POLR1A: variants seen among roughly 807,000 people sequenced by gnomAD.
POLR1A encodes DNA-directed RNA polymerase I subunit RPA1.
POLR1A carries 84 observed loss-of-function variants against 205.3 expected under a neutral mutation model. The ratio of observed to expected loss-of-function variants is 0.41; its 90% confidence interval spans 0.34 to 0.49. The LOEUF (loss-of-function observed/expected upper bound fraction) is 0.49, where lower values mean the gene tolerates loss of function less well. Ranked by LOEUF, POLR1A falls within the 20% of genes least tolerant of loss-of-function variation. POLR1A has a pLI of 0.22. For synonymous variants in POLR1A, 799 were observed against 863.7 expected (o/e 0.93, Z 1.31); for missense variants, 1,645 against 2,204.5 (o/e 0.75, Z 5.08).
intron 25 of POLR1A, among the ~76,000 whole-genome samples, chr2:86,039,812 A>C (rs1672565831): frequency 6.6e-6 from 1 of 152,258 alleles, no homozygotes; most frequent in East Asian, 1.9e-4. Context: ...TGCTGAGCTC[A>C]GCCAGCCCTC....
intron 6 of POLR1A, among the ~76,000 whole-genome samples, chr2:86,084,424 A>T (rs1401094916): frequency 6.6e-6 from 1 of 151,788 alleles, no homozygotes; most frequent in Non-Finnish European, 1.5e-5. Flanking sequence ...CTCAAAAAAA[A>T]AAACACAAAA....
At chr2:86,081,561 G>C (rs896011605) in intron 8 of POLR1A, 40 bp downstream of exon 8, 1 of 1,298,574 alleles carries the variant, frequency 7.7e-7, no homozygotes, top group Non-Finnish European at 1.1e-6. Context: ...TCCTTAGTAC[G>C]CTTTTTTTCA....
chr2:86,080,674 G>A lies in POLR1A; in HGVS notation c.1086+142C>T, dbSNP rs1573827851. ...CCTAATGTTCCTAGGTGCCCCCTAA[G>A]CCCAGAGCTCACACTAAGGCTGCTG... On this transcript the variant is annotated intron_variant, in intron 9 of 33. Coordinates refer to ENST00000263857, the MANE Select transcript of POLR1A (RefSeq NM_015425.6). 5.5e-6 allele frequency: 4 copies of A among 721,458 alleles called. No individual in the cohort carries two copies. In the Admixed American group the frequency reaches 9.7e-5, roughly 18 times the overall value. The allele number at this position is 721,458 out of a possible 1,614,324, so 44.7% of individuals were successfully genotyped here.
chr2:86,078,410 C>A (rs1673336236), intron 9 of POLR1A, 126 bp from the exon 10 acceptor site: 1 of 663,592 alleles, frequency 1.5e-6, no homozygotes. Flanking sequence ...TCCTCTGAAC[C>A]TGACAGATCA....
chr2:86,070,152 G>A lies in POLR1A; in HGVS notation c.1732C>T (p.His578Tyr), dbSNP rs1369751465. 1 of 1,614,220 alleles carries A rather than the reference G, an allele frequency of 6.2e-7. No homozygotes were observed. The highest frequency in any genetic ancestry group is 1.7e-5 in the Admixed American group (1 of 60,026). The stretch of plus-strand genomic sequence containing the variant: ...TTATAGGCCTTGCAGTTGGCATAGT[G>A]GAGCCGCAGCACTTTCTCTTCAGGC... ...ILPEEKVLRL[H>Y]YANCKAYNAD... Residue 578 changes from histidine (H) to tyrosine (Y), a missense_variant, in exon 13 of 34, where the codon CAC (histidine) becomes TAC (tyrosine). This residue lies in a region of POLR1A where 17 missense variants were observed against 29.4 expected (regional missense o/e 0.58). Transcript: ENST00000263857. This position sits in a 1 kb window ranked among gnomAD's most constrained non-coding sequence, Gnocchi z 4.4.
At position 86,081,696 on chromosome 2, in the gene POLR1A, C is replaced by G; in HGVS notation, c.828G>C (p.Leu276=). The G allele has an allele frequency of 6.2e-7, 1 of 1,603,436 alleles. No individual in the cohort carries two copies. The highest frequency in any genetic ancestry group is 1.1e-5 in the South Asian group (1 of 90,748). ...SALWKNEGFF[L]NYLFSGMDDD... is the part of the protein sequence containing the mutation. ...CATCCATTCCCGAAAAAAGGTAGTT[C>G]AGAAAGAATCCTGCGTTGGAAAGAA... Residue 276 remains leucine, a synonymous_variant, in exon 8 of 34, where the codon CTG becomes CTC. Coordinates refer to ENST00000263857, the MANE Select transcript of POLR1A (RefSeq NM_015425.6).
intron 21 of POLR1A, 186 bp from the exon 22 acceptor site, chr2:86,044,490 G>C (rs1316381831): frequency 4.8e-6 from 3 of 627,294 alleles, no homozygotes; most frequent in Non-Finnish European, 8.2e-6. Context: ...CCCAGCCAGG[G>C]GCTGCATTTC....
chr2:86,046,838 C>T (rs772481898), intron 19 of POLR1A, among the ~76,000 whole-genome samples: 10 of 151,590 alleles, frequency 6.6e-5, no homozygotes, highest in Admixed American at 3.3e-4. Context: ...CGAAAAAAAA[C>T]GAAAGAAAGA....
At chr2:86,048,548 C>T (rs992708544) in intron 18 of POLR1A, among the ~76,000 whole-genome samples, 2 of 152,216 alleles carry the variant, frequency 1.3e-5, no homozygotes, top group Non-Finnish European at 2.9e-5. Context: ...GCAGCCAGGG[C>T]GATCCGGGTC....
chr2:86,099,290 G>C (rs967944938), intron 2 of POLR1A, among the ~76,000 whole-genome samples: 1 of 151,378 alleles, frequency 6.6e-6, no homozygotes, highest in Non-Finnish European at 1.5e-5. Context: ...CCAGGAGGCA[G>C]AGGTTACAGT....
In POLR1A at chr2:86,033,668, C is replaced by T. The variant is rs369146178; in HGVS notation, c.4154G>A (p.Arg1385Lys). Residue 1385 changes from arginine (R) to lysine (K), a missense_variant, in exon 28 of 34, where the codon AGG (arginine) becomes AAG (lysine). By Grantham distance (26) the Arg-to-Lys change is conservative. Around this residue, in one of 16 missense-constraint regions of POLR1A, gnomAD observed 394 missense variants for 468.5 expected, o/e 0.84. Transcript: ENST00000263857. ...CCCCGGGGACTCACTCACCCGACTC[C>T]TCCCCAACTCCCCAGCGTTGTCCAG... Reference protein sequence around the residue: ...RDLDNAGELGRSRGEQEGDEE... With the variant: ...RDLDNAGELGKSRGEQEGDEE... 15 of 1,613,286 alleles carry T rather than the reference C, an allele frequency of 9.3e-6. No individual in the cohort carries two copies. The highest frequency in any genetic ancestry group is 1.3e-5 in the African/African-American group (1 of 74,924).
At chr2:86,049,416 T>A (rs1418948508) in intron 16 of POLR1A, among the ~76,000 whole-genome samples, 174 bp from the exon 17 acceptor site, 1 of 152,152 alleles carries the variant, frequency 6.6e-6, no homozygotes, top group East Asian at 1.9e-4. Context: ...CTTAGGTGCT[T>A]ACCAGAGCCC....
chr2:86,081,810 A>C, intron 7 of POLR1A, 104 bp from the exon 8 acceptor site: 1 of 684,894 alleles, frequency 1.5e-6, no homozygotes, highest in Non-Finnish European at 2.5e-6. Flanking sequence ...AACAGAATAC[A>C]AGATAATATG....
chr2:86,104,316 A>G (rs1236573970), intron 1 of POLR1A, among the ~76,000 whole-genome samples: 1 of 152,188 alleles, frequency 6.6e-6, no homozygotes, highest in African/African-American at 2.4e-5. Flanking sequence ...ACAAAGTAAG[A>G]GCCCAATAAA....
intron 14 of POLR1A, among the ~76,000 whole-genome samples, chr2:86,058,378 T>C (rs1672936955): frequency 6.7e-6 from 1 of 149,118 alleles, no homozygotes; most frequent in Non-Finnish European, 1.5e-5. Flanking sequence ...GGATTACAGG[T>C]GTGAGCCACC....
intron 19 of POLR1A, among the ~76,000 whole-genome samples, chr2:86,046,478 T>C (rs1206126692): frequency 6.6e-6 from 1 of 152,198 alleles, no homozygotes; most frequent in African/African-American, 2.4e-5. Flanking sequence ...GGTGGGCCTT[T>C]AGACCCTCTC....
chr2:86,098,338 T>C (rs562730163), intron 3 of POLR1A, among the ~76,000 whole-genome samples: 6 of 152,352 alleles, frequency 3.9e-5, no homozygotes, highest in Admixed American at 1.3e-4. Flanking sequence ...TGTCTTTTGA[T>C]TGAATAAACC....
At position 86,021,228 on chromosome 2, in the gene POLR1A, C is replaced by T. The variant is rs568826518; in HGVS notation, c.*6195G>A. On this transcript the variant is annotated 3_prime_UTR_variant, in exon 34 of 34. Transcript: ENST00000263857. ...ACAGGCCCGGGGCTGGCTTGGCTCC[C>T]GTGAAAACACTGCAGCGGGCAGCCA... 2 of 152,416 alleles carry T rather than the reference C, an allele frequency of 1.3e-5. No individual in the cohort carries two copies. Among genetic ancestry groups the T allele is most frequent in the South Asian group, 2.1e-4 (1 of 4,834 alleles). The allele number at this position is 152,416 out of a possible 1,614,324, so 9.4% of individuals were successfully genotyped here.
At position 86,024,291 on chromosome 2, in the gene POLR1A, T is replaced by C. The variant is rs572071615; in HGVS notation, c.*3132A>G. 1.5e-5 allele frequency: 3 copies of C among 196,380 alleles called. No individual in the cohort carries two copies. The South Asian group carries it at 3.3e-4, about 22-fold the overall frequency. The allele number at this position is 196,380 out of a possible 1,614,324, so 12.2% of individuals were successfully genotyped here. On this transcript the variant is annotated 3_prime_UTR_variant, in exon 34 of 34. Coordinates refer to ENST00000263857, the MANE Select transcript of POLR1A (RefSeq NM_015425.6). The stretch of plus-strand genomic sequence containing the variant: ...GACATGCTGTACTTTTCCACTTGTA[T>C]GAGGGACCTAGAGAAGTCAAATTCG...
Sources: allele counts gnomAD v4.1 joint callset (sites outside exome capture counted in the v4.1 genomes callset), GRCh38; gene constraint gnomAD v4.1.1; regional missense constraint gnomAD v4.1.1; non-coding constraint Gnocchi (gnomAD v3.1); transcripts MANE v1.5; gene names NCBI Gene and HGNC (gene_info 2026-07-23, HGNC 2026-07-21).